Variants in ITGBL1 observed in about 807,000 individuals in gnomAD.
ITGBL1 encodes the protein integrin subunit beta like 1, also known as integrin beta-like protein 1.
ITGBL1 carries 51 observed loss-of-function variants against 68.5 expected under a neutral mutation model. The observed-to-expected ratio is 0.74, with a 90% CI of 0.59 to 0.94. The LOEUF (loss-of-function observed/expected upper bound fraction) is 0.94, where lower values mean the gene tolerates loss of function less well. Among genes scored for constraint, ITGBL1 ranks in the 40% least tolerant of loss-of-function variants. The pLI is 0.00. For missense variants in ITGBL1, 649 were observed against 647.4 expected (o/e 1.00, Z -0.03); for synonymous variants, 209 against 227.3 (o/e 0.92, Z 0.72).
intron 8 of ITGBL1, among the ~76,000 whole-genome samples, chr13:101,694,189 A>G (rs2033949196): frequency 6.6e-6 from 1 of 152,154 alleles, no homozygotes; most frequent in Non-Finnish European, 1.5e-5. Flanking sequence ...ATATGTCAAT[A>G]TTATTCTTAG....
Position 101,603,698 on chromosome 13 carries a change from A to C in ITGBL1, c.1015+5399A>C, listed in dbSNP as rs1332171169. ...TAACCACTGTCTCTTTTTTAAAAAA[A>C]ATGTGTGTGTATTTTCAAAAATGTA... On this transcript the variant is annotated intron_variant, in intron 7 of 10. Coordinates refer to ENST00000376180, the MANE Select transcript of ITGBL1 (RefSeq NM_004791.3). 4.0e-5 allele frequency among the ~76,000 whole-genome samples: 6 copies of C among 151,668 alleles called. No individual in the cohort carries two copies. In the East Asian group the frequency reaches 1.2e-3, roughly 29 times the overall value.
At chr13:101,595,142 T>C (rs536861598) in intron 6 of ITGBL1, among the ~76,000 whole-genome samples, 1 of 152,208 alleles carries the variant, frequency 6.6e-6, no homozygotes, top group Admixed American at 6.5e-5. Flanking sequence ...ATTTCTGCAG[T>C]CTGTACAGGA....
At chr13:101,699,498 G>T (rs561184020) in intron 8 of ITGBL1, among the ~76,000 whole-genome samples, 6 of 152,188 alleles carry the variant, frequency 3.9e-5, no homozygotes, top group Non-Finnish European at 8.8e-5. Context: ...TTATTCTCAT[G>T]ATAGTAAGTT....
At chr13:101,643,572 T>C (rs1334248440) in intron 7 of ITGBL1, among the ~76,000 whole-genome samples, 1 of 152,158 alleles carries the variant, frequency 6.6e-6, no homozygotes, top group Non-Finnish European at 1.5e-5. Context: ...TGGAATAAAG[T>C]CCACTGTGAT....
intron 7 of ITGBL1, among the ~76,000 whole-genome samples, chr13:101,600,544 T>C (rs1594918580): frequency 6.6e-6 from 1 of 152,154 alleles, no homozygotes; most frequent in Non-Finnish European, 1.5e-5. Flanking sequence ...TTCCAGTTTT[T>C]GTCCATTCAG....
chr13:101,709,189 C>A (rs548060729), intron 9 of ITGBL1, among the ~76,000 whole-genome samples: 1 of 150,744 alleles, frequency 6.6e-6, no homozygotes, highest in East Asian at 1.9e-4. Flanking sequence ...CAAGGTGAAA[C>A]CCCGTCTCTA....
intron 6 of ITGBL1, among the ~76,000 whole-genome samples, chr13:101,585,300 C>T (rs2050533363): frequency 6.6e-6 from 1 of 152,168 alleles, no homozygotes; most frequent in South Asian, 2.1e-4. Context: ...AAAGGGTAAG[C>T]CAAAGTTTAT....
intron 7 of ITGBL1, among the ~76,000 whole-genome samples, chr13:101,674,371 A>G (rs1256862207): frequency 6.6e-6 from 1 of 152,198 alleles, no homozygotes; most frequent in Non-Finnish European, 1.5e-5. Flanking sequence ...TCCATAGTTT[A>G]CTATGACATG....
intron 4 of ITGBL1, among the ~76,000 whole-genome samples, chr13:101,577,224 A>G (rs1460677932): frequency 1.3e-5 from 2 of 152,218 alleles, no homozygotes; most frequent in African/African-American, 2.4e-5. Context: ...AAATCTTTCC[A>G]TGTGTCATTC....
At chr13:101,578,437 T>C (rs1012496697) in intron 4 of ITGBL1, among the ~76,000 whole-genome samples, 3 of 152,204 alleles carry the variant, frequency 2.0e-5, no homozygotes. Context: ...TTAGGTGATA[T>C]AACTACAAAG....
Position 101,566,366 on chromosome 13 carries a change from G to A in ITGBL1, c.317-1333G>A, listed in dbSNP as rs191380916. Among the ~76,000 whole-genome samples the A allele has an allele frequency of 3.0e-4, 45 of 152,230 alleles. 1 individual carries two copies. The East Asian group carries it at 8.7e-3, about 29-fold the overall frequency. ...CACTTATGCTTAAAAATGATACCAA[G>A]TTGGGCAAGACTGACAATATTTTGT... is the stretch of plus-strand genomic sequence containing the variant. On this transcript the variant is annotated intron_variant, in intron 2 of 10. Transcript: ENST00000376180.
At chr13:101,490,042 T>C (rs2048753786) in intron 2 of ITGBL1, 3 of 1,178,768 alleles carry the variant, frequency 2.5e-6, no homozygotes, top group African/African-American at 1.5e-5. Flanking sequence ...CATTTTGTTA[T>C]GGACTGAATA....
At chr13:101,542,943 G>A (rs901067726) in intron 2 of ITGBL1, among the ~76,000 whole-genome samples, 2 of 152,144 alleles carry the variant, frequency 1.3e-5, no homozygotes, top group Admixed American at 6.5e-5. Context: ...TTTTGAGCCT[G>A]TGTGTGTCTC....
At chr13:101,638,527 T>C (rs938812870) in intron 7 of ITGBL1, among the ~76,000 whole-genome samples, 6 of 152,158 alleles carry the variant, frequency 3.9e-5, no homozygotes, top group African/African-American at 1.4e-4. Context: ...AGAGGTTTAA[T>C]GGAGTCACAG....
chr13:101,614,319 A>G (rs1051866106), intron 7 of ITGBL1, among the ~76,000 whole-genome samples: 2 of 152,164 alleles, frequency 1.3e-5, no homozygotes, highest in Non-Finnish European at 2.9e-5. Flanking sequence ...TCTTTTTCCT[A>G]GAATAGCCAT....
intron 7 of ITGBL1, among the ~76,000 whole-genome samples, chr13:101,646,316 T>TAA (rs144094774): frequency 6.6e-6 from 1 of 151,032 alleles, no homozygotes; most frequent in Non-Finnish European, 1.5e-5. Context: ...GTATTTCAGT[T>TAA]AAAAAAAAAT....
chr13:101,529,815 G>T (rs1184701139), intron 2 of ITGBL1, among the ~76,000 whole-genome samples: 1 of 152,134 alleles, frequency 6.6e-6, no homozygotes, highest in East Asian at 1.9e-4. Flanking sequence ...GTTTCCTGAA[G>T]TCCCTGCAGC....
At chr13:101,595,788 G>A (rs1226578253) in intron 6 of ITGBL1, among the ~76,000 whole-genome samples, 1 of 152,064 alleles carries the variant, frequency 6.6e-6, no homozygotes, top group African/African-American at 2.4e-5. Flanking sequence ...ATACTATGGA[G>A]TTTCCTTAAA....
intron 3 of ITGBL1, among the ~76,000 whole-genome samples, chr13:101,570,392 C>T (rs370458452): frequency 1.3e-5 from 2 of 152,160 alleles, no homozygotes; most frequent in East Asian, 1.9e-4. Flanking sequence ...CTTCACTGCA[C>T]CTTTGGAATC....
Sources: gnomAD v4.1 joint callset for allele counts (sites outside exome capture counted in the v4.1 genomes callset) on GRCh38, gnomAD v4.1.1 for gene constraint, MANE v1.5 for transcripts, NCBI Gene and HGNC (gene_info 2026-07-23, HGNC 2026-07-21) for gene names.